The following H3-3A variants were observed in gnomAD, a reference collection of about 807,000 sequenced individuals.
H3-3A encodes the protein H3.3 histone A.
For synonymous variants in H3-3A, 49 were observed against 61.4 expected (o/e 0.80, Z 0.95); for missense variants, 7 against 184.0 (o/e 0.04, Z 5.57).
At chr1:226,065,355 T>C (rs1408367911) in intron 2 of H3-3A, among the ~76,000 whole-genome samples, 1 of 152,088 alleles carries the variant, frequency 6.6e-6, no homozygotes, top group African/African-American at 2.4e-5. Context: ...TTCATTAGCC[T>C]GACAGCTAAT....
At chr1:226,069,356 T>C (rs1658027200) in intron 3 of H3-3A, among the ~76,000 whole-genome samples, 2 of 152,118 alleles carry the variant, frequency 1.3e-5, no homozygotes, top group Non-Finnish European at 2.9e-5. Flanking sequence ...GGTCTGGAAT[T>C]TTTTTTATTA....
At chr1:226,064,697 T>C (rs907333389) in intron 2 of H3-3A, among the ~76,000 whole-genome samples, 1 of 152,202 alleles carries the variant, frequency 6.6e-6, no homozygotes, top group Non-Finnish European at 1.5e-5. Flanking sequence ...GAAGCCATAA[T>C]CTTACCTGGA....
chr1:226,064,517 C>A (rs1558101279), intron 2 of H3-3A, 38 bp downstream of exon 2: 3 of 1,564,140 alleles, frequency 1.9e-6, no homozygotes, highest in Non-Finnish European at 1.8e-6. Context: ...CAAAGTCTCT[C>A]TTGTATGTAT....
intron 1 of H3-3A, among the ~76,000 whole-genome samples, chr1:226,063,684 G>T (rs1657818227): frequency 6.6e-6 from 1 of 152,246 alleles, no homozygotes; most frequent in African/African-American, 2.4e-5. Context: ...CGGATGTCGT[G>T]CGTTAATTAA....
chr1:226,067,647 C>T (rs1177213563), intron 3 of H3-3A, among the ~76,000 whole-genome samples: 1 of 151,716 alleles, frequency 6.6e-6, no homozygotes, highest in Non-Finnish European at 1.5e-5. Flanking sequence ...GAGGCTGAGG[C>T]AGGAGAATTG....
chr1:226,062,402 G>C (rs1054014961), upstream of H3-3A, among the ~76,000 whole-genome samples: 3 of 151,366 alleles, frequency 2.0e-5, no homozygotes, highest in Admixed American at 6.6e-5. Flanking sequence ...CACGGAGCGG[G>C]ATGGGAGTGC....
upstream of H3-3A, among the ~76,000 whole-genome samples, chr1:226,062,385 G>A (rs1488123487): frequency 2.0e-5 from 3 of 151,206 alleles, no homozygotes; most frequent in Non-Finnish European, 4.4e-5. Context: ...GTTCGACGCC[G>A]TGCGCACACG....
At chr1:226,064,977 A>G (rs890732143) in intron 2 of H3-3A, among the ~76,000 whole-genome samples, 1 of 152,224 alleles carries the variant, frequency 6.6e-6, no homozygotes, top group African/African-American at 2.4e-5. Flanking sequence ...TGTTAAGGGC[A>G]TCTGCCATTA....
At chr1:226,063,882 T>C (rs1461574216) in intron 1 of H3-3A, 1 of 133,078 alleles carries the variant, frequency 7.5e-6, no homozygotes, top group African/African-American at 2.8e-5. Flanking sequence ...CAGCAATCCA[T>C]CAACAGTCAG....
At position 226,068,170 on chromosome 1, in the gene H3-3A, C is replaced by A. The variant is rs76378622; in HGVS notation, c.282+2361C>A. On this transcript the variant is annotated intron_variant, in intron 3 of 3. Transcript: ENST00000366815. ...GGCAGTCTTTAATTCCCATTACAGCCTTAATGTTTTAAGGGACTTTGGGTT... is the reference window on the plus strand; with the variant it reads ...GGCAGTCTTTAATTCCCATTACAGCATTAATGTTTTAAGGGACTTTGGGTT... Among the ~76,000 whole-genome samples, 1,022 of 152,230 alleles carry A rather than the reference C, an allele frequency of 6.7e-3. 12 individuals are homozygous for A. The highest frequency in any genetic ancestry group is 0.023 in the African/African-American group (974 of 41,518).
At chr1:226,069,951 C>T (rs965026381) in intron 3 of H3-3A, among the ~76,000 whole-genome samples, 57 of 152,286 alleles carry the variant, frequency 3.7e-4, no homozygotes, top group African/African-American at 1.3e-3. Context: ...TAAGTGGAAA[C>T]GCCCCTTTTT....
intron 1 of H3-3A, chr1:226,063,989 T>C (rs1009257865): frequency 6.2e-6 from 1 of 161,046 alleles, no homozygotes; most frequent in Non-Finnish European, 1.4e-5. Context: ...TTCTTTTGAC[T>C]TGTTTGTGGA....
upstream of H3-3A, among the ~76,000 whole-genome samples, chr1:226,062,511 G>C (rs1483710494): frequency 6.7e-5 from 10 of 150,228 alleles, no homozygotes; most frequent in East Asian, 1.8e-3. Flanking sequence ...CACGGCGCGA[G>C]GCGGCCTGGA....
rs774348570 is a variant in H3-3A, at chr1:226,065,782, C to T, written c.255C>T (p.Phe85=). 1.2e-6 allele frequency: 2 copies of T among 1,604,578 alleles called. No individual in the cohort carries two copies. ...AGGACTTTAAAACAGATCTGCGCTT[C>T]CAGAGCGCAGCTATCGGTGCTTTGC... ...IAQDFKTDLR[F]QSAAIGALQE... The change falls in exon 3 of 4, where the codon TTC becomes TTT. Residue 85 remains phenylalanine (F), a synonymous_variant. Coordinates refer to ENST00000366815, the MANE Select transcript of H3-3A (RefSeq NM_002107.7).
At position 226,062,779 on chromosome 1, in the gene H3-3A, C is replaced by G. The variant is rs1014142973; in HGVS notation, c.-56C>G. ...GCTCTCCAACGCCAGCGCCGCCTCT[C>G]GCTCGCCGAGCTCCAGCCGAAGGAG... On this transcript the variant is annotated 5_prime_UTR_variant, in exon 1 of 4. Coordinates refer to ENST00000366815, the MANE Select transcript of H3-3A (RefSeq NM_002107.7). 8 of 170,200 alleles carry G rather than the reference C, an allele frequency of 4.7e-5. No individual in the cohort carries two copies. The highest frequency in any genetic ancestry group is 1.1e-4 in the Non-Finnish European group (8 of 74,284). The allele number at this position is 170,200 out of a possible 1,614,324, so 10.5% of individuals were successfully genotyped here.
intron 2 of H3-3A, among the ~76,000 whole-genome samples, chr1:226,065,024 A>G (rs775569218): frequency 7.9e-5 from 12 of 152,228 alleles, no homozygotes; most frequent in Non-Finnish European, 1.6e-4. Context: ...CTCCGCAAAT[A>G]TTACGATTAA....
intron 3 of H3-3A, among the ~76,000 whole-genome samples, chr1:226,068,840 C>T (rs1277692413): frequency 6.6e-6 from 1 of 152,148 alleles, no homozygotes; most frequent in Non-Finnish European, 1.5e-5. Context: ...GGGTTGCCTG[C>T]ACTGGCAACA....
rs1211936112 is a variant in H3-3A at position 226,071,621 on chromosome 1, A to T, written c.*142A>T. 3 of 441,948 alleles carry T rather than the reference A, an allele frequency of 6.8e-6. No individual in the cohort carries two copies. The highest frequency in any genetic ancestry group is 1.2e-5 in the Non-Finnish European group (3 of 254,948). 27.4% of individuals were successfully genotyped at this position (441,948 alleles called of 1,614,324 possible). A position where few individuals can be genotyped will look rare whatever the true frequency, so the allele number is the denominator to read the frequency against. ...CCTAAGTATATGATTGCGAGTGGAA[A>T]AATAGGGGACAGAAATCAGGTATTG... On this transcript the variant is annotated 3_prime_UTR_variant, in exon 4 of 4. Transcript: ENST00000366815.
At position 226,064,426 on chromosome 1, in the gene H3-3A, C is replaced by T. The variant is rs2102735648; in HGVS notation, c.75C>T (p.Ala25=). The T allele has an allele frequency of 6.2e-7, 1 of 1,612,468 alleles. No individual in the cohort carries two copies. The change falls in exon 2 of 4, where the codon GCC becomes GCT. Residue 25 remains alanine, a synonymous_variant. Transcript: ENST00000366815. Reference sequence around the variant, plus strand: ...CCAGGAAGCAACTGGCTACAAAAGCCGCTCGCAAGAGTGCGCCCTCTACTG... The same window carrying T: ...CCAGGAAGCAACTGGCTACAAAAGCTGCTCGCAAGAGTGCGCCCTCTACTG... ...KAPRKQLATK[A]ARKSAPSTGG...
Sources: gnomAD v4.1 joint callset for allele counts (sites outside exome capture counted in the v4.1 genomes callset) on GRCh38, gnomAD v4.1.1 for gene constraint, MANE v1.5 for transcripts, NCBI Gene and HGNC (gene_info 2026-07-23, HGNC 2026-07-21) for gene names.